FUT8: variants seen among roughly 807,000 people sequenced by gnomAD.
The protein encoded by FUT8 is alpha-(1,6)-fucosyltransferase.
A neutral mutation model predicts 71.3 loss-of-function variants in FUT8; 29 were observed. That is an observed-to-expected ratio of 0.41 (90% CI 0.30 to 0.55). The LOEUF (loss-of-function observed/expected upper bound fraction) is 0.55, where lower values mean the gene tolerates loss of function less well. Among genes scored for constraint, FUT8 ranks in the 20% least tolerant of loss-of-function variants. The pLI, the probability that FUT8 is intolerant of heterozygous loss-of-function variation, is 0.34. For missense variants in FUT8, 544 were observed against 702.1 expected (o/e 0.77, Z 2.55); for synonymous variants, 254 against 239.3 (o/e 1.06, Z -0.57).
intron 5 of FUT8, among the ~76,000 whole-genome samples, chr14:65,619,099 T>G (rs942114895): frequency 6.6e-6 from 1 of 152,124 alleles, no homozygotes; most frequent in Admixed American, 6.5e-5. Context: ...CCACAGAGAT[T>G]TGGAGAATTA....
rs563934834 is a variant in FUT8 at position 65,542,931 on chromosome 14, C to T, written c.-227-18406C>T. Among the ~76,000 whole-genome samples the T allele has an allele frequency of 4.6e-5, 7 of 152,172 alleles. No homozygotes were observed. In the South Asian group the frequency reaches 8.3e-4, roughly 18 times the overall value. On this transcript the variant is annotated intron_variant, in intron 2 of 10. Transcript: ENST00000673929. ...CTGAGTAGCTGGGGTTACAGGCATGCGCCACCATGCCTGGCTAATTTTGTA... is the reference window on the plus strand; with the variant it reads ...CTGAGTAGCTGGGGTTACAGGCATGTGCCACCATGCCTGGCTAATTTTGTA...
At chr14:65,508,492 T>G (rs866524142) in intron 2 of FUT8, among the ~76,000 whole-genome samples, 42 of 30,326 alleles carry the variant, frequency 1.4e-3, no homozygotes, top group African/African-American at 5.0e-3. Flanking sequence ...GTTGTTTGAG[T>G]TTTTTTTTTT....
chr14:65,422,903 C>A (rs1342702626), intron 1 of FUT8, among the ~76,000 whole-genome samples: 2 of 152,080 alleles, frequency 1.3e-5, no homozygotes, highest in Non-Finnish European at 2.9e-5. Context: ...AACGATCCTC[C>A]TGCCTCATCT....
intron 1 of FUT8, among the ~76,000 whole-genome samples, chr14:65,429,632 A>G (rs2065439117): frequency 6.6e-6 from 1 of 152,004 alleles, no homozygotes; most frequent in Non-Finnish European, 1.5e-5. Flanking sequence ...GGAGGCTGAG[A>G]TGGGAGGATT....
At chr14:65,499,076 T>C (rs2066604611) in intron 2 of FUT8, among the ~76,000 whole-genome samples, 2 of 152,072 alleles carry the variant, frequency 1.3e-5, no homozygotes, top group Admixed American at 1.3e-4. Context: ...CAGTGGTTAT[T>C]ACCAAAAATT....
At chr14:65,424,464 A>G (rs1156983409) in intron 1 of FUT8, among the ~76,000 whole-genome samples, 1 of 152,032 alleles carries the variant, frequency 6.6e-6, no homozygotes, top group African/African-American at 2.4e-5. Context: ...GTAGTAAATG[A>G]TAAAATAGAC....
intron 2 of FUT8, among the ~76,000 whole-genome samples, chr14:65,470,738 C>CA (rs1566767953): frequency 2.0e-5 from 3 of 152,224 alleles, no homozygotes; most frequent in Non-Finnish European, 4.4e-5. Context: ...CTGGCACCCT[C>CA]AGTGGGGTGG....
At chr14:65,485,349 A>G (rs1399528713) in intron 2 of FUT8, among the ~76,000 whole-genome samples, 1 of 152,144 alleles carries the variant, frequency 6.6e-6, no homozygotes. Context: ...ATTATTAGAA[A>G]TACTGTTGAA....
chr14:65,692,201 C>T (rs1025539730), intron 7 of FUT8, among the ~76,000 whole-genome samples: 1 of 151,606 alleles, frequency 6.6e-6, no homozygotes, highest in East Asian at 2.0e-4. Flanking sequence ...CCCCTCACCT[C>T]CCGGACGGGG....
rs1295226315 is a variant in FUT8, at chr14:65,602,972, TC to T, written c.204-13004del. 6.6e-5 allele frequency among the ~76,000 whole-genome samples: 10 copies of T among 152,146 alleles called. No homozygotes were observed. The South Asian group carries it at 1.7e-3, about 25-fold the overall frequency. On this transcript the variant is annotated intron_variant, in intron 3 of 10. Transcript: ENST00000673929. ...GGGTTGTGTTTATTCTGCTGACTGT[TC>T]CTTTTGCTGTGCAAAAGCTCTTTAG...
chr14:65,420,856 A>G (rs1566736100), intron 1 of FUT8, among the ~76,000 whole-genome samples: 2 of 152,096 alleles, frequency 1.3e-5, no homozygotes, highest in African/African-American at 2.4e-5. Context: ...TATATGTATT[A>G]TATACTGTGT....
At chr14:65,461,824 T>G (rs945170932) in intron 2 of FUT8, among the ~76,000 whole-genome samples, 1 of 152,162 alleles carries the variant, frequency 6.6e-6, no homozygotes, top group African/African-American at 2.4e-5. Flanking sequence ...TCCATCTCCC[T>G]GACTGACTAA....
At chr14:65,692,691 G>A (rs1893731389) in intron 7 of FUT8, among the ~76,000 whole-genome samples, 1 of 147,366 alleles carries the variant, frequency 6.8e-6, no homozygotes, top group East Asian at 2.0e-4. Context: ...CCAGGCGGAG[G>A]GGCTCCTCAC....
chr14:65,408,174 T>G (rs905593457), upstream of FUT8, among the ~76,000 whole-genome samples: 8 of 152,204 alleles, frequency 5.3e-5, no homozygotes, highest in Non-Finnish European at 1.0e-4. Context: ...GGAGGCAGGC[T>G]GCTCTACCTT....
intron 10 of FUT8, among the ~76,000 whole-genome samples, chr14:65,734,317 A>C (rs1896117301): frequency 6.6e-6 from 1 of 152,222 alleles, no homozygotes; most frequent in African/African-American, 2.4e-5. Flanking sequence ...TTTTTACAAG[A>C]GTATACTTCG....
chr14:65,393,065 C>A, the FUT8 span, among the ~76,000 whole-genome samples: 3 of 152,134 alleles, frequency 2.0e-5, no homozygotes, highest in African/African-American at 4.8e-5. Context: ...CTTTTGGTTC[C>A]TTTGTGATAA....
At chr14:65,464,474 G>A (rs2066013062) in intron 2 of FUT8, among the ~76,000 whole-genome samples, 1 of 152,126 alleles carries the variant, frequency 6.6e-6, no homozygotes, top group Non-Finnish European at 1.5e-5. Flanking sequence ...TTACCATTAG[G>A]TATGGTGTTT....
At chr14:65,365,609 G>T in the FUT8 span, among the ~76,000 whole-genome samples, 1 of 152,054 alleles carries the variant, frequency 6.6e-6, no homozygotes, top group Non-Finnish European at 1.5e-5. Context: ...CCAAGATGGT[G>T]ATGAGAGTGA....
chr14:65,559,984 C>T (rs2140038367), intron 2 of FUT8, among the ~76,000 whole-genome samples: 1 of 152,188 alleles, frequency 6.6e-6, no homozygotes, highest in Middle Eastern at 3.4e-3. Flanking sequence ...ATGTTTTAGC[C>T]AGTGTAAATC....
Sources: allele counts gnomAD v4.1 joint callset (sites outside exome capture counted in the v4.1 genomes callset), GRCh38; gene constraint gnomAD v4.1.1; transcripts MANE v1.5; gene names NCBI Gene and HGNC (gene_info 2026-07-23, HGNC 2026-07-21).